CHODL: variants seen among roughly 807,000 people sequenced by gnomAD.
The protein encoded by CHODL is chondrolectin, also known as transmembrane protein MT75.
In CHODL, 29 loss-of-function variants were observed where a neutral mutation model predicts 34.5. That is an observed-to-expected ratio of 0.84 (90% CI 0.63 to 1.15). The LOEUF (loss-of-function observed/expected upper bound fraction) is 1.15. Ranked by LOEUF, CHODL falls within the 50% of genes most tolerant of loss-of-function variation. CHODL has a pLI of 0.00. For synonymous variants in CHODL, 125 were observed against 116.1 expected (o/e 1.08, Z -0.49); for missense variants, 332 against 332.5 (o/e 1.00, Z 0.01).
chr21:18,110,595 C>T (rs2065336517), intron 2 of CHODL, among the ~76,000 whole-genome samples: 1 of 147,654 alleles, frequency 6.8e-6, no homozygotes, highest in African/African-American at 2.5e-5. Context: ...TGATGTCTGC[C>T]AGGCACCATC....
At chr21:17,946,735 A>AT (rs958369001) in intron 1 of CHODL, among the ~76,000 whole-genome samples, 4 of 152,026 alleles carry the variant, frequency 2.6e-5, no homozygotes, top group African/African-American at 9.7e-5. Flanking sequence ...TGCTTTCTTG[A>AT]TTTCCATTTG....
intron 1 of CHODL, among the ~76,000 whole-genome samples, chr21:17,997,947 C>T (rs187062774): frequency 3.4e-4 from 52 of 152,266 alleles, no homozygotes; most frequent in Admixed American, 8.5e-4. Context: ...ATTATGCCTT[C>T]CCAACAGTCC....
intron 2 of CHODL, among the ~76,000 whole-genome samples, chr21:18,137,518 T>G (rs114150672): frequency 3.6e-3 from 552 of 152,298 alleles, no homozygotes; most frequent in African/African-American, 0.013. Context: ...CTAACTTCTC[T>G]TAAGTTACAT....
intron 2 of CHODL, among the ~76,000 whole-genome samples, chr21:18,217,886 A>G (rs963409376): frequency 6.6e-6 from 1 of 152,214 alleles, no homozygotes; most frequent in Non-Finnish European, 1.5e-5. Context: ...TCAGTGGGGC[A>G]GTCACATCAT....
rs567867879 is a variant in CHODL at position 18,266,792 on chromosome 21, G to T, written c.*754G>T. On this transcript the variant is annotated 3_prime_UTR_variant, in exon 6 of 6. Transcript: ENST00000299295. ...TTTAGCTTAAAATTAAACAGATTTT[G>T]TAATAATGTAACTTTGTTAATAGGT... 3 of 152,684 alleles carry T rather than the reference G, an allele frequency of 2.0e-5. No individual in the cohort carries two copies. The highest frequency in any genetic ancestry group is 2.9e-5 in the Non-Finnish European group (2 of 68,118). 9.5% of individuals were successfully genotyped at this position (152,684 alleles called of 1,614,324 possible).
At chr21:18,020,065 A>G (rs1404314342) in intron 1 of CHODL, among the ~76,000 whole-genome samples, 1 of 152,138 alleles carries the variant, frequency 6.6e-6, no homozygotes, top group Non-Finnish European at 1.5e-5. Context: ...TGATCCTTTT[A>G]AGGGAAGGAT....
chr21:18,206,668 G>A (rs2073715311), intron 2 of CHODL, among the ~76,000 whole-genome samples: 1 of 151,124 alleles, frequency 6.6e-6, no homozygotes, highest in Non-Finnish European at 1.5e-5. Context: ...TTATTGATAA[G>A]TGAGAACTTA....
chr21:18,050,027 G>A (rs1017278561), intron 2 of CHODL, among the ~76,000 whole-genome samples: 1 of 151,940 alleles, frequency 6.6e-6, no homozygotes, highest in Non-Finnish European at 1.5e-5. Flanking sequence ...AGTCAGTTAA[G>A]AGTTATGCAG....
intron 1 of CHODL, among the ~76,000 whole-genome samples, chr21:17,963,776 C>T (rs1251445988): frequency 6.6e-6 from 1 of 151,708 alleles, no homozygotes; most frequent in Admixed American, 6.6e-5. Context: ...AAGCTTCTCT[C>T]TATTATCTAG....
rs772815185 is a variant in CHODL at position 18,266,312 on chromosome 21, T to A, written c.*274T>A. ...AATGAAATGGACAATGCAGATAAAG[T>A]TGTTATCAACACGTCGGGAGTATGT... On this transcript the variant is annotated 3_prime_UTR_variant, in exon 6 of 6. Transcript: ENST00000299295. The A allele has an allele frequency of 3.2e-5, 32 of 1,000,510 alleles. No homozygotes were observed. Among genetic ancestry groups the A allele is most frequent in the Non-Finnish European group, 4.2e-5 (30 of 708,748 alleles). The allele number at this position is 1,000,510 out of a possible 1,614,324, so 62.0% of individuals were successfully genotyped here.
intron 2 of CHODL, among the ~76,000 whole-genome samples, chr21:18,049,461 G>A (rs891776366): frequency 6.6e-6 from 1 of 151,904 alleles, no homozygotes; most frequent in African/African-American, 2.4e-5. Flanking sequence ...GGAAAGTAGT[G>A]GGATCTGTTT....
At chr21:18,136,298 C>T (rs1401854896) in intron 2 of CHODL, among the ~76,000 whole-genome samples, 2 of 152,088 alleles carry the variant, frequency 1.3e-5, no homozygotes, top group African/African-American at 4.8e-5. Flanking sequence ...AGGATTACTT[C>T]TATTTTTAAT....
chr21:18,197,326 C>T (rs1367706875), intron 2 of CHODL, among the ~76,000 whole-genome samples: 1 of 152,056 alleles, frequency 6.6e-6, no homozygotes, highest in Non-Finnish European at 1.5e-5. Flanking sequence ...AAAAATTTAT[C>T]GTGGCTGAGC....
intron 1 of CHODL, among the ~76,000 whole-genome samples, chr21:17,961,351 T>C (rs942778208): frequency 2.0e-5 from 3 of 152,232 alleles, no homozygotes; most frequent in East Asian, 1.9e-4. Flanking sequence ...TTGTTGTCAA[T>C]GATCAGTTTT....
intron 1 of CHODL, among the ~76,000 whole-genome samples, chr21:18,015,226 C>T (rs2064060981): frequency 6.6e-6 from 1 of 152,060 alleles, no homozygotes; most frequent in South Asian, 2.1e-4. Flanking sequence ...GGGTGGATTT[C>T]CCCCTTGCTG....
intron 2 of CHODL, among the ~76,000 whole-genome samples, chr21:18,083,646 A>G (rs1233523410): frequency 1.3e-5 from 2 of 152,218 alleles, no homozygotes; most frequent in Non-Finnish European, 2.9e-5. Context: ...TGGATGTGAG[A>G]CATGGAGTCC....
chr21:18,194,200 C>T (rs1443224563), intron 2 of CHODL, among the ~76,000 whole-genome samples: 1 of 152,174 alleles, frequency 6.6e-6, no homozygotes, highest in Non-Finnish European at 1.5e-5. Flanking sequence ...ATCAAAATCT[C>T]AAATCATCAT....
intron 2 of CHODL, among the ~76,000 whole-genome samples, chr21:18,118,324 A>G (rs2065437869): frequency 6.6e-6 from 1 of 152,150 alleles, no homozygotes; most frequent in Non-Finnish European, 1.5e-5. Flanking sequence ...AATGAGATGA[A>G]TGCAAAACAC....
At chr21:18,215,052 A>G (rs2073810642) in intron 2 of CHODL, among the ~76,000 whole-genome samples, 1 of 152,166 alleles carries the variant, frequency 6.6e-6, no homozygotes, top group Non-Finnish European at 1.5e-5. Context: ...AAAATTAAAT[A>G]AATAATTTTC....
Sources: gnomAD v4.1 joint callset for allele counts (sites outside exome capture counted in the v4.1 genomes callset) on GRCh38, gnomAD v4.1.1 for gene constraint, MANE v1.5 for transcripts, NCBI Gene and HGNC (gene_info 2026-07-23, HGNC 2026-07-21) for gene names.